Variants in EMP1 observed in about 807,000 individuals in gnomAD.
EMP1 encodes the protein epithelial membrane protein 1, also known as tumor-associated membrane protein.
EMP1 carries 5 observed loss-of-function variants against 15.7 expected under a neutral mutation model. The ratio of observed to expected loss-of-function variants is 0.32; its 90% CI spans 0.17 to 0.67. EMP1 has a LOEUF of 0.67. EMP1 is among the 30% of genes least tolerant of loss of function. The pLI, the probability that EMP1 is intolerant of heterozygous loss-of-function variation, is 0.74. For missense variants in EMP1, 166 were observed against 194.2 expected (o/e 0.85, Z 0.86); for synonymous variants, 78 against 76.7 (o/e 1.02, Z -0.09).
intron 1 of EMP1, among the ~76,000 whole-genome samples, chr12:13,203,399 G>T (rs1864083695): frequency 6.6e-6 from 1 of 152,208 alleles, no homozygotes; most frequent in Non-Finnish European, 1.5e-5. Flanking sequence ...CACAGCCCAG[G>T]TCTGGCCTCA....
rs1864161316 is a variant in EMP1 at position 13,211,165 on chromosome 12, GAACA to G, written c.-42-303_-42-300del. 6.6e-6 allele frequency among the ~76,000 whole-genome samples: 1 copy of G among 152,068 alleles called. No homozygotes were observed. The highest frequency in any genetic ancestry group is 6.5e-5 in the Admixed American group (1 of 15,268). Reference sequence around the variant, plus strand: ...CTAAAACACAAACAAAATAAAATACGAACAGTTATCATAAAATGTTCTTGTTCCT... The same window carrying G: ...CTAAAACACAAACAAAATAAAATACGGTTATCATAAAATGTTCTTGTTCCT... On this transcript the variant is annotated intron_variant, in intron 1 of 4. Coordinates refer to ENST00000256951, the MANE Select transcript of EMP1 (RefSeq NM_001423.3). This position sits in a 1 kb window ranked among gnomAD's most constrained non-coding sequence, Gnocchi z 4.7.
chr12:13,211,507 C>G lies in EMP1; in HGVS notation c.-4C>G, dbSNP rs1210147046. ...CACAAGTTACCAAAAAAAAAAGAGC[C>G]AACATGTTGGTATTGCTGGCTGGTA... is the stretch of plus-strand genomic sequence containing the variant. On this transcript the variant is annotated 5_prime_UTR_variant, in exon 2 of 5. Transcript: ENST00000256951. The surrounding 1 kb of genome is among the most constrained non-coding windows in gnomAD (Gnocchi z 4.7). The G allele has an allele frequency of 6.2e-7, 1 of 1,611,438 alleles. No homozygotes were observed. The highest frequency in any genetic ancestry group is 2.2e-5 in the East Asian group (1 of 44,880).
rs757899685 is a variant in EMP1 at position 13,219,844 on chromosome 12, C to T, written c.*5153C>T. 3.3e-5 allele frequency: 5 copies of T among 152,048 alleles called. No homozygotes were observed. Among genetic ancestry groups the T allele is most frequent in the Admixed American group, 1.3e-4 (2 of 15,258 alleles). 9.4% of individuals were successfully genotyped at this position (152,048 alleles called of 1,614,324 possible). On this transcript the variant is annotated 3_prime_UTR_variant, in exon 5 of 5. Coordinates refer to ENST00000256951, the MANE Select transcript of EMP1 (RefSeq NM_001423.3). ...GGAACTCAGAGTATATTTTTCCATA[C>T]GAAAAATTCAGAACTATTTTATTTA...
chr12:13,213,716 T>C lies in EMP1; in HGVS notation c.211T>C (p.Ser71Pro). 2 of 1,614,228 alleles carry C rather than the reference T, an allele frequency of 1.2e-6. No homozygotes were observed. The change falls in exon 4 of 5, where the codon TCT becomes CCT. Residue 71 changes from serine (S) to proline (P), a missense_variant. By Grantham distance (74) the Ser-to-Pro change is moderately conservative. Transcript: ENST00000256951. ...LKTVQAFMIL[S>P]IIFCVIALLV... Reference sequence around the variant, plus strand: ...GACAGTGCAGGCCTTCATGATTCTCTCTATCATCTTCTGTGTCATTGCCCT... The same window carrying C: ...GACAGTGCAGGCCTTCATGATTCTCCCTATCATCTTCTGTGTCATTGCCCT...
chr12:13,212,627 C>T (rs192584279), intron 2 of EMP1, among the ~76,000 whole-genome samples: 26 of 152,322 alleles, frequency 1.7e-4, no homozygotes, highest in Admixed American at 1.3e-3. Flanking sequence ...AGCGCCAAAG[C>T]GCTGCGTATC....
Position 13,217,627 on chromosome 12 carries a change from C to T in EMP1, c.*2936C>T, listed in dbSNP as rs1864226215. ...TCCTAAATCAACCCCCAAGGCTATC[C>T]TTCCATCCCTTCTGCAGAGGGAACT... On this transcript the variant is annotated 3_prime_UTR_variant, in exon 5 of 5. Transcript: ENST00000256951. 1 of 152,120 alleles carries T rather than the reference C, an allele frequency of 6.6e-6. No individual in the cohort carries two copies. Among genetic ancestry groups the T allele is most frequent in the South Asian group, 2.1e-4 (1 of 4,832 alleles). The allele number at this position is 152,120 out of a possible 1,614,324, so 9.4% of individuals were successfully genotyped here.
At chr12:13,209,732 C>T (rs1194844555) in intron 1 of EMP1, among the ~76,000 whole-genome samples, 7 of 152,016 alleles carry the variant, frequency 4.6e-5, no homozygotes, top group Admixed American at 4.6e-4. Context: ...TCTAATTCAT[C>T]CTCTGTCTGA....
At chr12:13,213,970 C>G in intron 4 of EMP1, 149 bp downstream of exon 4, 1 of 1,169,684 alleles carries the variant, frequency 8.5e-7, no homozygotes, top group Non-Finnish European at 1.2e-6. Flanking sequence ...TGTGGAGAAC[C>G]TTGGATTGCT....
At chr12:13,210,713 G>A (rs143102159) in intron 1 of EMP1, among the ~76,000 whole-genome samples, 62 of 152,342 alleles carry the variant, frequency 4.1e-4, no homozygotes, top group Non-Finnish European at 8.4e-4. Context: ...ATCACATTGA[G>A]CTGTGGAAAA....
At chr12:13,200,026 TA>T (rs1314803700) in intron 1 of EMP1, among the ~76,000 whole-genome samples, 2 of 151,652 alleles carry the variant, frequency 1.3e-5, no homozygotes. Context: ...AGTTTGGAAT[TA>T]TGTACATAGT....
At chr12:13,210,702 C>T (rs997891895) in intron 1 of EMP1, among the ~76,000 whole-genome samples, 1 of 152,240 alleles carries the variant, frequency 6.6e-6, no homozygotes, top group Non-Finnish European at 1.5e-5. Flanking sequence ...CCCCCAGAAC[C>T]ATCACATTGA....
chr12:13,202,238 G>C (rs577662349), intron 1 of EMP1, among the ~76,000 whole-genome samples: 1 of 152,334 alleles, frequency 6.6e-6, no homozygotes, highest in South Asian at 2.1e-4. Context: ...TTTGTCCCCT[G>C]TGAAGAATCT....
Position 13,213,469 on chromosome 12 carries a change from C to T in EMP1, c.79-10C>T, listed in dbSNP as rs764901635. 4 of 1,612,688 alleles carry T rather than the reference C, an allele frequency of 2.5e-6. No individual in the cohort carries two copies. In the Admixed American group the frequency reaches 6.7e-5, roughly 27 times the overall value. On this transcript the variant is annotated splice_polypyrimidine_tract_variant and intron_variant, in intron 2 of 4. Transcript: ENST00000256951. The stretch of plus-strand genomic sequence containing the variant: ...CTTTCAATTAACATTTTCTTTCCTT[C>T]TGGTTTCAGGTCTGGTTGGTTTCCA...
chr12:13,214,669 A>G lies in EMP1; in HGVS notation c.452A>G (p.Tyr151Cys), dbSNP rs750631772. Residue 151 changes from tyrosine to cysteine, a missense_variant, in exon 5 of 5, where the codon TAT (tyrosine) becomes TGT (cysteine). Physicochemically the swap from Tyr to Cys is radical, Grantham distance 194. Coordinates refer to ENST00000256951, the MANE Select transcript of EMP1 (RefSeq NM_001423.3). ...FCFSFIIGVL[Y>C]LVLRKK ...TTCAGCTTCATCATCGGCGTTCTCT[A>G]TCTGGTCCTGAGAAAGAAATAAGGC... The G allele has an allele frequency of 8.1e-6, 13 of 1,612,120 alleles. No individual in the cohort carries two copies. The Admixed American group carries it at 8.4e-5, about 10-fold the overall frequency.
At chr12:13,198,391 T>C (rs1345618815) in intron 1 of EMP1, among the ~76,000 whole-genome samples, 1 of 152,222 alleles carries the variant, frequency 6.6e-6, no homozygotes. Flanking sequence ...TCAGCTTGTC[T>C]GACAAAGTTA....
intron 1 of EMP1, among the ~76,000 whole-genome samples, chr12:13,208,457 G>A (rs1051134468): frequency 6.6e-6 from 1 of 152,194 alleles, no homozygotes. Context: ...AACTAGGGAT[G>A]ATTCAGCCCA....
chr12:13,198,739 T>G (rs115502728), intron 1 of EMP1, among the ~76,000 whole-genome samples: 2,445 of 152,304 alleles, frequency 0.016, 68 homozygotes, highest in African/African-American at 0.054. Flanking sequence ...ACTGCATTAT[T>G]TGTGGCAAGG....
intron 1 of EMP1, among the ~76,000 whole-genome samples, chr12:13,201,533 C>A (rs1162393893): frequency 6.6e-6 from 1 of 152,172 alleles, no homozygotes; most frequent in African/African-American, 2.4e-5. Flanking sequence ...CTGGCTTAAT[C>A]TGTAAAAATT....
chr12:13,202,563 C>T (rs747913677), intron 1 of EMP1, among the ~76,000 whole-genome samples: 5 of 152,090 alleles, frequency 3.3e-5, no homozygotes, highest in African/African-American at 4.8e-5. Flanking sequence ...CCTGGAGCTT[C>T]CCTTTATTGA....
Sources: allele counts gnomAD v4.1 joint callset (sites outside exome capture counted in the v4.1 genomes callset), GRCh38; gene constraint gnomAD v4.1.1; non-coding constraint Gnocchi (gnomAD v3.1); transcripts MANE v1.5; gene names NCBI Gene and HGNC (gene_info 2026-07-23, HGNC 2026-07-21).